Variants in USH2A observed in about 807,000 individuals in gnomAD.
USH2A encodes the protein usherin.
In USH2A, 443 loss-of-function variants were observed where a neutral mutation model predicts 538.9. That is an observed-to-expected ratio of 0.82 (90% CI 0.76 to 0.89). The LOEUF (loss-of-function observed/expected upper bound fraction) is 0.89, where lower values mean the gene tolerates loss of function less well. Among genes scored for constraint, USH2A ranks in the 40% least tolerant of loss-of-function variants. The pLI is 0.00. For missense variants in USH2A, 6,633 were observed against 6,324.8 expected, an observed-to-expected ratio of 1.05 and a Z score of -1.65; for synonymous variants, 2,413 against 2,273.5, an observed-to-expected ratio of 1.06 and a Z score of -1.75.
intron 9 of USH2A, among the ~76,000 whole-genome samples, chr1:216,302,774 G>A (rs1352709032): frequency 6.6e-6 from 1 of 151,912 alleles, no homozygotes; most frequent in Admixed American, 6.6e-5. Context: ...ATGGAAGATT[G>A]GAAAATTATC....
intron 4 of USH2A, among the ~76,000 whole-genome samples, chr1:216,363,075 A>G (rs2038527525): frequency 6.6e-6 from 1 of 152,062 alleles, no homozygotes; most frequent in Admixed American, 6.6e-5. Context: ...TATAAACCAC[A>G]TAGTCCAGTT....
At chr1:216,187,003 AG>A (rs1247586363) in intron 20 of USH2A, among the ~76,000 whole-genome samples, 3 of 151,982 alleles carry the variant, frequency 2.0e-5, no homozygotes, top group Non-Finnish European at 4.4e-5. Flanking sequence ...CCACCAGGGA[AG>A]TCTTCATAAA....
intron 32 of USH2A, among the ~76,000 whole-genome samples, chr1:216,026,417 C>T (rs940410580): frequency 6.6e-6 from 1 of 152,088 alleles, no homozygotes. Flanking sequence ...TTGCAATAGT[C>T]ATGTGGCCAA....
intron 44 of USH2A, 87 bp from the exon 45 acceptor site, chr1:215,846,120 G>GA: frequency 7.5e-7 from 1 of 1,330,918 alleles, no homozygotes. Context: ...TCTAGAATGA[G>GA]AAAAAAAGAA....
chr1:216,298,571 A>C (rs2037150487), intron 9 of USH2A, among the ~76,000 whole-genome samples: 1 of 152,210 alleles, frequency 6.6e-6, no homozygotes, highest in Non-Finnish European at 1.5e-5. Context: ...GTTATTGAAA[A>C]TGGCTGGCCT....
rs886043442 is a variant in USH2A at position 216,422,186 on chromosome 1, T to C, written c.151A>G (p.Ile51Val). 6.8e-6 allele frequency: 11 copies of C among 1,612,834 alleles called. No individual in the cohort carries two copies. Among genetic ancestry groups the C allele is most frequent in the African/African-American group, 2.7e-5 (2 of 74,932 alleles). ...CCACATACTGCTTGGGTTGGCACGA[T>C]GGAAACTTTCTTGAAAGCTCCCACG... ...ENVGAFKKVS[I>V]VPTQAVCGLP... Residue 51 changes from isoleucine to valine, a missense_variant, in exon 2 of 72, where the codon ATC becomes GTC. By Grantham distance (29) the Ile-to-Val change is conservative (BLOSUM62 3). Transcript: ENST00000307340.
At chr1:215,850,794 C>T (rs910264470) in intron 44 of USH2A, among the ~76,000 whole-genome samples, 2 of 152,054 alleles carry the variant, frequency 1.3e-5, no homozygotes, top group Non-Finnish European at 2.9e-5. Flanking sequence ...TATGATAAGC[C>T]ACAAAATGAG....
intron 38 of USH2A, among the ~76,000 whole-genome samples, chr1:215,933,429 G>C (rs1419177967): frequency 1.3e-5 from 2 of 151,864 alleles, no homozygotes; most frequent in African/African-American, 4.8e-5. Flanking sequence ...GAGTTGATCA[G>C]CCTCAAAAGT....
intron 38 of USH2A, among the ~76,000 whole-genome samples, chr1:215,903,518 G>T (rs1472599203): frequency 6.6e-6 from 1 of 152,080 alleles, no homozygotes; most frequent in East Asian, 1.9e-4. Flanking sequence ...GTAAAAGAAA[G>T]AATTGCCAGA....
At chr1:215,898,424 A>C (rs1023218142) in intron 40 of USH2A, among the ~76,000 whole-genome samples, 3 of 152,252 alleles carry the variant, frequency 2.0e-5, no homozygotes, top group Middle Eastern at 6.8e-3. Flanking sequence ...ATGCTATGCT[A>C]ATTGGTATTT....
chr1:216,124,477 CAAAAAG>C (rs1443796332), intron 21 of USH2A, among the ~76,000 whole-genome samples: 1 of 151,828 alleles, frequency 6.6e-6, no homozygotes, highest in African/African-American at 2.4e-5. Context: ...AGAGATATAA[CAAAAAG>C]AAAAAGGCGG....
intron 11 of USH2A, among the ~76,000 whole-genome samples, chr1:216,279,974 A>G (rs1319560469): frequency 2.6e-5 from 4 of 151,740 alleles, no homozygotes; most frequent in Non-Finnish European, 5.9e-5. Context: ...AAGGATGGAG[A>G]CAAGCGGCTC....
intron 47 of USH2A, among the ~76,000 whole-genome samples, chr1:215,833,398 C>T (rs761838077): frequency 2.6e-5 from 4 of 151,838 alleles, no homozygotes; most frequent in East Asian, 3.9e-4. Context: ...GCCTACAAAA[C>T]GTGTTTAAAT....
At chr1:215,968,535 C>T (rs1667414476) in intron 36 of USH2A, among the ~76,000 whole-genome samples, 1 of 152,004 alleles carries the variant, frequency 6.6e-6, no homozygotes, top group African/African-American at 2.4e-5. Flanking sequence ...CCATCAAATT[C>T]ATATTTTTTA....
intron 9 of USH2A, among the ~76,000 whole-genome samples, chr1:216,315,188 T>A (rs1280802147): frequency 6.6e-6 from 1 of 152,214 alleles, no homozygotes; most frequent in African/African-American, 2.4e-5. Flanking sequence ...TCCTAGCTTG[T>A]ATTATGTACC....
chr1:216,250,102 C>A (rs894900907), intron 12 of USH2A, among the ~76,000 whole-genome samples: 4 of 152,092 alleles, frequency 2.6e-5, no homozygotes, highest in African/African-American at 9.7e-5. Flanking sequence ...TCTCATATAT[C>A]AAAATTTCAA....
At position 215,786,811 on chromosome 1, in the gene USH2A, A is replaced by G; in HGVS notation, c.10246T>C (p.Cys3416Arg). ...ATGTGGCTGGTAAAGTTGAAGTCAC[A>G]CCTGCCACAATGTTCTGTGGCTTCC... ...SMEATEHCGR[C>R]DFNFTSHICT... The change falls in exon 52 of 72, where the codon TGT becomes CGT. Residue 3416 changes from cysteine (C) to arginine (R), a missense_variant. Physicochemically the swap from Cys to Arg is radical, Grantham distance 180. Transcript: ENST00000307340. The G allele has an allele frequency of 6.2e-7, 1 of 1,600,522 alleles. No homozygotes were observed.
At chr1:216,096,767 T>C (rs2032450686) in intron 22 of USH2A, among the ~76,000 whole-genome samples, 1 of 152,178 alleles carries the variant, frequency 6.6e-6, no homozygotes, top group Non-Finnish European at 1.5e-5. Flanking sequence ...TTTTTGCTAC[T>C]AAGAAAAATA....
intron 37 of USH2A, among the ~76,000 whole-genome samples, chr1:215,940,947 A>T (rs1666615678): frequency 6.6e-6 from 1 of 151,666 alleles, no homozygotes. Flanking sequence ...CTCTATAGAT[A>T]TCGAGAATCT....
Sources: gnomAD v4.1 joint callset for allele counts (sites outside exome capture counted in the v4.1 genomes callset) on GRCh38, gnomAD v4.1.1 for gene constraint, MANE v1.5 for transcripts, NCBI Gene and HGNC (gene_info 2026-07-23, HGNC 2026-07-21) for gene names.